EVC2: variants seen among roughly 807,000 people sequenced by gnomAD.
EVC2 encodes the protein EvC ciliary complex subunit 2.
A neutral mutation model predicts 149.3 loss-of-function variants in EVC2; 148 were observed. The observed-to-expected ratio is 0.99, with a 90% CI of 0.87 to 1.14. The LOEUF is 1.14. EVC2 is among the 50% of genes most tolerant of loss of function. The pLI, the probability that EVC2 is intolerant of heterozygous loss-of-function variation, is 0.00. For missense variants in EVC2, 1,854 were observed against 1,627.3 expected (o/e 1.14, Z -2.40); for synonymous variants, 776 against 649.9 (o/e 1.19, Z -2.95).
rs1307819549 is a variant in EVC2 at position 5,622,876 on chromosome 4, A to G, written c.2162T>C (p.Leu721Pro). Residue 721 changes from leucine (L) to proline (P), a missense_variant, in exon 14 of 22, where the codon CTG (leucine) becomes CCG (proline). Physicochemically the swap from Leu to Pro is moderately conservative, Grantham distance 98. Coordinates refer to ENST00000344408, the MANE Select transcript of EVC2 (RefSeq NM_147127.5). The surrounding 1 kb of genome is among the most constrained non-coding windows in gnomAD (Gnocchi z 5.8). ...GTCCAGACGCTCCTGCAGCTCCTCC[A>G]GGGTGGCACCGTGCTCCTCCATCAG... is the stretch of plus-strand genomic sequence containing the variant. ...RSLMEEHGATLEELQERLDQA... is the reference protein window; with the variant it reads ...RSLMEEHGATPEELQERLDQA... 1 of 1,614,176 alleles carries G rather than the reference A, an allele frequency of 6.2e-7. No individual in the cohort carries two copies. The highest frequency in any genetic ancestry group is 1.7e-5 in the Admixed American group (1 of 60,028).
At chr4:5,582,953 C>T (rs2108786081) in intron 17 of EVC2, among the ~76,000 whole-genome samples, 1 of 152,296 alleles carries the variant, frequency 6.6e-6, no homozygotes, top group South Asian at 2.1e-4. Flanking sequence ...TTCCTGAGTC[C>T]TCCCCAGAAG....
intron 10 of EVC2, among the ~76,000 whole-genome samples, chr4:5,634,331 C>A (rs1577186663): frequency 6.6e-6 from 1 of 152,218 alleles, no homozygotes; most frequent in African/African-American, 2.4e-5. Context: ...GACCCTGAGT[C>A]TGGGCACCGC....
chr4:5,542,131 A>G (rs1471467780), downstream of EVC2, among the ~76,000 whole-genome samples: 1 of 152,128 alleles, frequency 6.6e-6, no homozygotes, highest in Admixed American at 6.5e-5. Context: ...AGCCCTCACC[A>G]GTATCTGACC....
intron 16 of EVC2, among the ~76,000 whole-genome samples, chr4:5,604,341 A>G (rs923715252): frequency 6.6e-6 from 1 of 152,248 alleles, no homozygotes; most frequent in Non-Finnish European, 1.5e-5. Context: ...AGATAAGTAG[A>G]TAAGCAGTTG....
chr4:5,580,067 A>T (rs1372951859), intron 17 of EVC2, among the ~76,000 whole-genome samples: 1 of 152,212 alleles, frequency 6.6e-6, no homozygotes, highest in African/African-American at 2.4e-5. Flanking sequence ...TAAATCTTTC[A>T]TCAGATGAGG....
At chr4:5,699,861 C>T (rs1243560169) in intron 1 of EVC2, among the ~76,000 whole-genome samples, 1 of 151,998 alleles carries the variant, frequency 6.6e-6, no homozygotes, top group African/African-American at 2.4e-5. Context: ...AAATAATAGG[C>T]TGGGTATAGT....
rs1722056641 is a variant in EVC2 at position 5,563,066 on chromosome 4, C to T, written c.3709G>A (p.Gly1237Arg). ...LPLRERMIFS[G>R]KGSWPHLSLE... ...GACAGGTGTGGCCAACTTCCTTTTC[C>T]AGAGAATATCATCCTCTCTCTGAGA... Residue 1237 changes from glycine (G) to arginine (R), a missense_variant, in exon 22 of 22, where the codon GGA becomes AGA. Coordinates refer to ENST00000344408, the MANE Select transcript of EVC2 (RefSeq NM_147127.5). 6.2e-7 allele frequency: 1 copy of T among 1,614,030 alleles called. No individual in the cohort carries two copies. Among genetic ancestry groups the T allele is most frequent in the Non-Finnish European group, 8.5e-7 (1 of 1,180,024 alleles).
At chr4:5,600,083 T>C (rs1035294244) in intron 16 of EVC2, among the ~76,000 whole-genome samples, 9 of 152,198 alleles carry the variant, frequency 5.9e-5, no homozygotes, top group Non-Finnish European at 8.8e-5. Context: ...TCACTTGGCA[T>C]AGTTTTGCTT....
At chr4:5,538,117 G>A (rs1240021929), downstream of EVC2, among the ~76,000 whole-genome samples, 1 of 149,214 alleles carries the variant, frequency 6.7e-6, no homozygotes, top group Non-Finnish European at 1.5e-5. Context: ...GGAGGGAGGA[G>A]GACGCAGATT....
chr4:5,604,062 T>C (rs182952714), intron 16 of EVC2, among the ~76,000 whole-genome samples: 4 of 152,312 alleles, frequency 2.6e-5, no homozygotes, highest in Admixed American at 2.6e-4. Flanking sequence ...TTTCTGAGAC[T>C]CAGTATTCTC....
At chr4:5,695,937 T>C (rs900537423) in intron 2 of EVC2, among the ~76,000 whole-genome samples, 2 of 152,158 alleles carry the variant, frequency 1.3e-5, no homozygotes, top group Admixed American at 6.5e-5. Context: ...CAGTATTTTT[T>C]TCCTTCCTTG....
intron 1 of EVC2, among the ~76,000 whole-genome samples, chr4:5,704,448 T>C (rs559885852): frequency 3.9e-5 from 6 of 151,982 alleles, no homozygotes; most frequent in Admixed American, 2.6e-4. Context: ...GGTGCATGAG[T>C]TGTGGAGTGC....
chr4:5,660,778 C>G (rs1718828191), intron 9 of EVC2, among the ~76,000 whole-genome samples: 1 of 152,146 alleles, frequency 6.6e-6, no homozygotes, highest in Non-Finnish European at 1.5e-5. Context: ...GAAAACTAGG[C>G]TCAGAGAATG....
chr4:5,617,102 A>T lies in EVC2; in HGVS notation c.2706+1376T>A, dbSNP rs531207203. Among the ~76,000 whole-genome samples the T allele has an allele frequency of 6.3e-3, 702 of 111,340 alleles. 6 individuals are homozygous for T. The highest frequency in any genetic ancestry group is 0.052 in the African/African-American group (669 of 12,902). 73.0% of individuals were successfully genotyped at this position (111,340 alleles called of 152,430 possible). ...AGTAGGGAAAAAAACAACAGTACTTAAAAAAAAAATTAAAAGAATGTCAAA... is the reference window on the plus strand; with the variant it reads ...AGTAGGGAAAAAAACAACAGTACTTTAAAAAAAAATTAAAAGAATGTCAAA... On this transcript the variant is annotated intron_variant, in intron 15 of 21. Coordinates refer to ENST00000344408, the MANE Select transcript of EVC2 (RefSeq NM_147127.5).
At chr4:5,590,713 A>C (rs1038132406) in intron 16 of EVC2, among the ~76,000 whole-genome samples, 14 of 152,134 alleles carry the variant, frequency 9.2e-5, no homozygotes, top group Admixed American at 2.6e-4. Context: ...AAGGTAGAAA[A>C]CACCACCCTT....
At chr4:5,651,594 C>T (rs546316321) in intron 9 of EVC2, among the ~76,000 whole-genome samples, 1 of 152,086 alleles carries the variant, frequency 6.6e-6, no homozygotes, top group Non-Finnish European at 1.5e-5. Context: ...GTGTGCTCTA[C>T]CTGAAGGTTA....
At chr4:5,541,666 G>A (rs931111693), downstream of EVC2, among the ~76,000 whole-genome samples, 5 of 152,234 alleles carry the variant, frequency 3.3e-5, no homozygotes, top group South Asian at 2.1e-4. Flanking sequence ...ATGTAAACTC[G>A]GCATCCCAGG....
rs1398941377 is a variant in EVC2, at chr4:5,568,495, T to C, written c.3506A>G (p.His1169Arg). ...CGCTCCGCCATCGCTCTCAGCTGCG[T>C]GGTCCACATGTCTCTCGGTGGCCGA... Reference protein sequence around the residue: ...LDSATERHVDHAAESDGGAEQ... With the variant: ...LDSATERHVDRAAESDGGAEQ... The change falls in exon 20 of 22, where the codon CAC becomes CGC. Residue 1169 changes from histidine to arginine, a missense_variant. Coordinates refer to ENST00000344408, the MANE Select transcript of EVC2 (RefSeq NM_147127.5). The C allele has an allele frequency of 3.8e-6, 6 of 1,585,938 alleles. No homozygotes were observed. The highest frequency in any genetic ancestry group is 1.3e-5 in the African/African-American group (1 of 74,678).
chr4:5,673,046 A>T (rs1719753368), intron 7 of EVC2, among the ~76,000 whole-genome samples: 1 of 152,200 alleles, frequency 6.6e-6, no homozygotes, highest in African/African-American at 2.4e-5. Flanking sequence ...GAGTGGGGAA[A>T]ATGTTCTGTA....
Sources: gnomAD v4.1 joint callset for allele counts (sites outside exome capture counted in the v4.1 genomes callset) on GRCh38, gnomAD v4.1.1 for gene constraint, Gnocchi (gnomAD v3.1) non-coding constraint, MANE v1.5 for transcripts, NCBI Gene and HGNC (gene_info 2026-07-23, HGNC 2026-07-21) for gene names.